Variants in PATJ observed in about 807,000 individuals in gnomAD.
PATJ encodes inaD-like protein.
A neutral mutation model predicts 224.9 loss-of-function variants in PATJ; 190 were observed. That is an observed-to-expected ratio of 0.84 (90% confidence interval 0.75 to 0.95). The LOEUF (loss-of-function observed/expected upper bound fraction) is 0.95. PATJ is among the 40% of genes least tolerant of loss of function. The pLI, the probability that PATJ is intolerant of heterozygous loss-of-function variation, is 0.00. For synonymous variants in PATJ, 769 were observed against 820.3 expected (o/e 0.94, Z 1.07); for missense variants, 2,121 against 2,270.3 (o/e 0.93, Z 1.34).
intron 1 of PATJ, among the ~76,000 whole-genome samples, chr1:61,757,560 G>A (rs1030308240): frequency 1.3e-5 from 2 of 150,672 alleles, no homozygotes; most frequent in African/African-American, 4.9e-5. Flanking sequence ...TAATTTTTGT[G>A]TTTTATGTAG....
At chr1:61,955,022 G>T (rs1311356365) in intron 27 of PATJ, among the ~76,000 whole-genome samples, 1 of 152,020 alleles carries the variant, frequency 6.6e-6, no homozygotes, top group Non-Finnish European at 1.5e-5. Flanking sequence ...CAAAGTGCTG[G>T]GATTACAGGC....
chr1:61,976,502 T>C (rs1182912126), intron 27 of PATJ, among the ~76,000 whole-genome samples: 1 of 151,810 alleles, frequency 6.6e-6, no homozygotes, highest in Non-Finnish European at 1.5e-5. Context: ...TGCCTCTTGG[T>C]TTTAAGTGAT....
intron 3 of PATJ, among the ~76,000 whole-genome samples, chr1:61,763,459 G>A (rs183144094): frequency 1.1e-4 from 16 of 151,220 alleles, no homozygotes; most frequent in African/African-American, 3.2e-4. Context: ...TTGAGCCCAG[G>A]AGTTCCAGGT....
intron 41 of PATJ, among the ~76,000 whole-genome samples, chr1:62,144,482 A>G (rs1558230870): frequency 6.6e-6 from 1 of 152,264 alleles, no homozygotes; most frequent in East Asian, 1.9e-4. Context: ...GCTGGCAGAC[A>G]AAGTTCCCTC....
At chr1:62,065,047 A>G (rs1656178209) in intron 31 of PATJ, among the ~76,000 whole-genome samples, 1 of 152,130 alleles carries the variant, frequency 6.6e-6, no homozygotes, top group Non-Finnish European at 1.5e-5. Flanking sequence ...TTCACAGCTC[A>G]TTGTTCTTTA....
At chr1:61,977,370 G>A (rs1320586398) in intron 27 of PATJ, among the ~76,000 whole-genome samples, 6 of 152,090 alleles carry the variant, frequency 3.9e-5, no homozygotes, top group Non-Finnish European at 7.3e-5. Flanking sequence ...GATTACAGGC[G>A]TGAGCCACTG....
intron 2 of PATJ, 35 bp from the exon 3 acceptor site, chr1:61,762,978 T>C: frequency 6.4e-7 from 1 of 1,569,438 alleles, no homozygotes; most frequent in Non-Finnish European, 8.7e-7. Context: ...CAAATGGGAC[T>C]TAACTATTAC....
chr1:61,945,351 A>G (rs556862117), intron 27 of PATJ, among the ~76,000 whole-genome samples: 157 of 152,294 alleles, frequency 1.0e-3, no homozygotes, highest in Admixed American at 2.9e-3. Flanking sequence ...GCAGAGACAC[A>G]CATAGGCTCA....
chr1:62,080,878 A>G (rs907776266), intron 32 of PATJ, among the ~76,000 whole-genome samples: 1 of 152,220 alleles, frequency 6.6e-6, no homozygotes, highest in Non-Finnish European at 1.5e-5. Flanking sequence ...GCATGGGTCA[A>G]ATCTGGCCTA....
chr1:62,092,304 T>C (rs76346124), intron 33 of PATJ, among the ~76,000 whole-genome samples: 12,635 of 151,938 alleles, frequency 0.083, 988 homozygotes, highest in African/African-American at 0.21. Context: ...GGCTTGACCC[T>C]GGGAGGTCAA....
chr1:62,110,734 AC>A (rs1243354267), intron 34 of PATJ, among the ~76,000 whole-genome samples: 1 of 152,174 alleles, frequency 6.6e-6, no homozygotes, highest in Non-Finnish European at 1.5e-5. Context: ...GAACTGCTGC[AC>A]TAGCTTTGTT....
At position 62,159,554 on chromosome 1, in the gene PATJ, A is replaced by G. The variant is rs574658191; in HGVS notation, c.5503-1354A>G. Among the ~76,000 whole-genome samples the G allele has an allele frequency of 9.6e-3, 1,041 of 108,950 alleles. 13 individuals are homozygous for G. Among genetic ancestry groups the G allele is most frequent in the African/African-American group, 0.036 (977 of 26,910 alleles). 71.5% of individuals were successfully genotyped at this position (108,950 alleles called of 152,430 possible). A position where few individuals can be genotyped will look rare whatever the true frequency, so the allele number is the denominator to read the frequency against. On this transcript the variant is annotated intron_variant, in intron 43 of 43. Transcript: ENST00000642238. ...CCACAGTATAGACCTGATTTCGAAT[A>G]CTTTTTTTTTTTTTTTTTTTCCTGA...
At chr1:61,758,452 G>A (rs377236953) in intron 1 of PATJ, among the ~76,000 whole-genome samples, 2 of 151,868 alleles carry the variant, frequency 1.3e-5, no homozygotes, top group East Asian at 3.9e-4. Flanking sequence ...GGGTTCAAGC[G>A]ATTCTCCTGA....
chr1:61,998,038 T>TA (rs1260050458), intron 28 of PATJ, among the ~76,000 whole-genome samples: 3 of 130,916 alleles, frequency 2.3e-5, no homozygotes, highest in South Asian at 2.2e-4. Flanking sequence ...ATATTATATA[T>TA]TTATTATATA....
chr1:62,005,827 C>T (rs1402565192), intron 28 of PATJ, among the ~76,000 whole-genome samples: 1 of 152,190 alleles, frequency 6.6e-6, no homozygotes, highest in African/African-American at 2.4e-5. Context: ...ATTCAAATTA[C>T]ATGAATTTCA....
chr1:61,817,780 A>G (rs1656448908), intron 14 of PATJ, among the ~76,000 whole-genome samples: 1 of 152,210 alleles, frequency 6.6e-6, no homozygotes, highest in South Asian at 2.1e-4. Flanking sequence ...TTCGGAGGCC[A>G]TCATGCTTGT....
intron 27 of PATJ, among the ~76,000 whole-genome samples, chr1:61,941,604 T>C (rs975186702): frequency 1.3e-5 from 2 of 152,136 alleles, no homozygotes; most frequent in Admixed American, 1.3e-4. Context: ...TGAGCACAGA[T>C]CATGCCACTG....
At chr1:61,930,404 T>C (rs1675846892) in intron 27 of PATJ, among the ~76,000 whole-genome samples, 1 of 152,204 alleles carries the variant, frequency 6.6e-6, no homozygotes, top group Non-Finnish European at 1.5e-5. Flanking sequence ...CGGGTTGCTG[T>C]TTTATCAGAT....
chr1:62,098,368 A>AAAAAAAT (rs1661659575), intron 33 of PATJ, among the ~76,000 whole-genome samples: 1 of 151,232 alleles, frequency 6.6e-6, no homozygotes, highest in Non-Finnish European at 1.5e-5. Flanking sequence ...CAAAAAAAAA[A>AAAAAAAT]AGAAAAAAGA....
Sources: gnomAD v4.1 joint callset for allele counts (sites outside exome capture counted in the v4.1 genomes callset) on GRCh38, gnomAD v4.1.1 for gene constraint, MANE v1.5 for transcripts, NCBI Gene and HGNC (gene_info 2026-07-23, HGNC 2026-07-21) for gene names.